SGO1: variants seen among roughly 807,000 people sequenced by gnomAD.
The protein encoded by SGO1 is serologically defined breast cancer antigen NY-BR-85.
SGO1 carries 39 observed loss-of-function variants against 50.5 expected under a neutral mutation model. That is an observed-to-expected ratio of 0.77 (90% CI 0.60 to 1.01). The LOEUF (loss-of-function observed/expected upper bound fraction) is 1.01, where lower values mean the gene tolerates loss of function less well. SGO1 is among the 50% of genes least tolerant of loss of function. SGO1 has a pLI of 0.00. For synonymous variants in SGO1, 191 were observed against 205.1 expected (o/e 0.93, Z 0.59); for missense variants, 638 against 606.0 (o/e 1.05, Z -0.55).
downstream of SGO1, among the ~76,000 whole-genome samples, chr3:20,165,333 G>A (rs1210274164): frequency 2.0e-5 from 3 of 152,142 alleles, no homozygotes; most frequent in Admixed American, 2.0e-4. Context: ...CTGTTCCCAT[G>A]ACCCAAACAC....
downstream of SGO1, among the ~76,000 whole-genome samples, chr3:20,167,930 CAAA>C (rs1700385477): frequency 1.3e-5 from 2 of 152,156 alleles, no homozygotes; most frequent in African/African-American, 4.8e-5. Context: ...AATTGTGTCT[CAAA>C]AGAAGAAATG....
chr3:20,175,296 C>G (rs1307300574), intron 5 of SGO1, among the ~76,000 whole-genome samples: 1 of 152,140 alleles, frequency 6.6e-6, no homozygotes. Context: ...TTCAGTATCC[C>G]TAATCTGAAA....
downstream of SGO1, among the ~76,000 whole-genome samples, chr3:20,168,545 A>C (rs1342271540): frequency 6.6e-6 from 1 of 151,466 alleles, no homozygotes; most frequent in East Asian, 2.0e-4. Context: ...TTCTGTGATG[A>C]TGGAAATGTT....
chr3:20,178,806 G>A (rs1431571779), intron 3 of SGO1, among the ~76,000 whole-genome samples: 1 of 152,212 alleles, frequency 6.6e-6, no homozygotes, highest in Non-Finnish European at 1.5e-5. Context: ...CATAGTCACT[G>A]AGAACAGTAG....
At chr3:20,176,836 G>A (rs1353707648) in intron 4 of SGO1, among the ~76,000 whole-genome samples, 177 bp from the exon 5 acceptor site, 1 of 152,178 alleles carries the variant, frequency 6.6e-6, no homozygotes, top group Non-Finnish European at 1.5e-5. Flanking sequence ...ATTACAGGGA[G>A]ACTGATTTGT....
Position 20,183,611 on chromosome 3 carries a change from A to G in SGO1, c.336T>C (p.Ala112=). 1 of 1,576,786 alleles carries G rather than the reference A, an allele frequency of 6.3e-7. No individual in the cohort carries two copies. The highest frequency in any genetic ancestry group is 1.2e-5 in the South Asian group (1 of 84,586). The part of the protein sequence containing the change: ...KLTSQQTVEP[A]QNQEICSSGM... ...TCGGCCTTAGTAATGAAAATACCTG[A>G]GCAGGTTCTACTGTTTGTTGTGATG... is the stretch of plus-strand genomic sequence containing the variant. The change falls in exon 3 of 8, where the codon GCT becomes GCC. Residue 112 remains alanine, a synonymous_variant. Coordinates refer to ENST00000412997, the MANE Select transcript of SGO1 (RefSeq NM_001199251.3).
At chr3:20,186,356 C>T (rs1702674479), upstream of SGO1, 2 of 152,338 alleles carry the variant, frequency 1.3e-5, no homozygotes, top group South Asian at 2.1e-4. Flanking sequence ...CGGGCATCCA[C>T]CTGGCCCTGG....
In SGO1 at chr3:20,174,919, C is replaced by A; in HGVS notation, c.612G>T (p.Gln204His). The A allele has an allele frequency of 6.2e-7, 1 of 1,614,094 alleles. No homozygotes were observed. Among genetic ancestry groups the A allele is most frequent in the South Asian group, 1.1e-5 (1 of 91,076 alleles). Residue 204 changes from glutamine to histidine, a missense_variant, in exon 6 of 8, where the codon CAG becomes CAT. Transcript: ENST00000412997. ...SLKKHCNSICQFDSLDDFETS... is the reference protein window; with the variant it reads ...SLKKHCNSICHFDSLDDFETS... Reference sequence around the variant, plus strand: ...TTTCAAAATCATCCAAGCTATCAAACTGACATATACTGTTACAATGTTTCT... The same window carrying A: ...TTTCAAAATCATCCAAGCTATCAAAATGACATATACTGTTACAATGTTTCT...
At chr3:20,160,962 A>C in exon 9 of SGO1, 3 of 1,224,968 alleles carry the variant, frequency 2.4e-6, no homozygotes, top group Non-Finnish European at 3.4e-6. Flanking sequence ...AGATTTTATT[A>C]TGTATGTAGG....
intron 3 of SGO1, among the ~76,000 whole-genome samples, chr3:20,182,446 T>A (rs1403252184): frequency 1.3e-5 from 2 of 152,056 alleles, no homozygotes; most frequent in African/African-American, 4.8e-5. Context: ...CAATGGCCAC[T>A]GGGAAGAAAT....
intron 3 of SGO1, among the ~76,000 whole-genome samples, chr3:20,182,502 C>A (rs1702135423): frequency 6.6e-6 from 1 of 152,084 alleles, no homozygotes; most frequent in South Asian, 2.1e-4. Context: ...TTTCTCTGCC[C>A]CATTTCCTTG....
downstream of SGO1, chr3:20,169,134 G>A (rs1700475106): frequency 1.0e-6 from 1 of 985,196 alleles, no homozygotes; most frequent in Non-Finnish European, 1.2e-6. Context: ...AAGGATTTTG[G>A]CTCTGACTGA....
chr3:20,166,970 C>G (rs1038856959), downstream of SGO1, among the ~76,000 whole-genome samples: 1 of 151,148 alleles, frequency 6.6e-6, no homozygotes, highest in Admixed American at 6.6e-5. Context: ...TTGGCCACTG[C>G]ACTGCAGCCT....
intron 6 of SGO1, among the ~76,000 whole-genome samples, chr3:20,172,633 T>C (rs1363072333): frequency 6.6e-6 from 1 of 151,924 alleles, no homozygotes; most frequent in African/African-American, 2.4e-5. Context: ...ATTTTTTTCG[T>C]TTAAAAACGT....
intron 8 of SGO1, among the ~76,000 whole-genome samples, chr3:20,163,030 A>C (rs545736004): frequency 6.6e-6 from 1 of 152,158 alleles, no homozygotes; most frequent in African/African-American, 2.4e-5. Context: ...ATACATTAAA[A>C]TAAGAGAAGT....
chr3:20,170,085 T>A lies in SGO1; in HGVS notation c.*619A>T, dbSNP rs901504400. 75 of 985,182 alleles carry A rather than the reference T, an allele frequency of 7.6e-5. No individual in the cohort carries two copies. Among genetic ancestry groups the A allele is most frequent in the Non-Finnish European group, 9.0e-5 (75 of 829,788 alleles). 61.0% of individuals were successfully genotyped at this position (985,182 alleles called of 1,614,324 possible). Reference sequence around the variant, plus strand: ...TAAAAGATCTTATTTGAGTAATCATTATTCATTTCTACAATGTTTGTATAA... The same window carrying A: ...TAAAAGATCTTATTTGAGTAATCATAATTCATTTCTACAATGTTTGTATAA... On this transcript the variant is annotated 3_prime_UTR_variant, in exon 8 of 8. Transcript: ENST00000412997.
downstream of SGO1, among the ~76,000 whole-genome samples, chr3:20,165,475 C>A (rs1336948434): frequency 6.6e-6 from 1 of 152,102 alleles, no homozygotes; most frequent in East Asian, 1.9e-4. Flanking sequence ...AATACATGTA[C>A]ACTTAACAAT....
At chr3:20,166,372 T>C (rs1700302518), downstream of SGO1, among the ~76,000 whole-genome samples, 1 of 152,194 alleles carries the variant, frequency 6.6e-6, no homozygotes. Context: ...AAAGAAAATA[T>C]GTATACATAC....
chr3:20,165,587 AAAGAT>A (rs1700254383), downstream of SGO1, among the ~76,000 whole-genome samples: 1 of 152,190 alleles, frequency 6.6e-6, no homozygotes, highest in South Asian at 2.1e-4. Flanking sequence ...GAAAACATAG[AAAGAT>A]AAGATGGTTT....
Sources: gnomAD v4.1 joint callset for allele counts (sites outside exome capture counted in the v4.1 genomes callset) on GRCh38, gnomAD v4.1.1 for gene constraint, MANE v1.5 for transcripts, NCBI Gene and HGNC (gene_info 2026-07-23, HGNC 2026-07-21) for gene names.